SPAG16: variants seen among roughly 807,000 people sequenced by gnomAD.
SPAG16 encodes sperm-associated antigen 16 protein.
In SPAG16, 86 loss-of-function variants were observed where a neutral mutation model predicts 80.4. The ratio of observed to expected loss-of-function variants is 1.07; its 90% CI spans 0.90 to 1.28. SPAG16 has a LOEUF of 1.28. Ranked by LOEUF, SPAG16 falls within the 50% of genes most tolerant of loss-of-function variation. The pLI, the probability that SPAG16 is intolerant of heterozygous loss-of-function variation, is 0.00. For synonymous variants in SPAG16, 294 were observed against 265.9 expected (o/e 1.11, Z -1.03); for missense variants, 870 against 765.3 (o/e 1.14, Z -1.61).
chr2:213,592,793 C>T (rs2060748392), intron 10 of SPAG16, among the ~76,000 whole-genome samples: 1 of 152,072 alleles, frequency 6.6e-6, no homozygotes, highest in Non-Finnish European at 1.5e-5. Context: ...TGCAAATGAC[C>T]CTAAATGGTG....
At chr2:213,859,500 T>C (rs35802074) in intron 10 of SPAG16, among the ~76,000 whole-genome samples, 52,261 of 151,952 alleles carry the variant, frequency 0.34, 9,441 homozygotes, top group South Asian at 0.47. Context: ...GTTCTTTACC[T>C]CAGGGCTTAA....
intron 15 of SPAG16, among the ~76,000 whole-genome samples, chr2:214,198,975 T>C (rs1473214904): frequency 6.6e-6 from 1 of 152,190 alleles, no homozygotes; most frequent in East Asian, 1.9e-4. Flanking sequence ...GCTGATTTGT[T>C]GAGTTCCTTG....
intron 15 of SPAG16, among the ~76,000 whole-genome samples, chr2:214,244,643 T>G (rs1320556173): frequency 6.6e-6 from 1 of 152,048 alleles, no homozygotes; most frequent in Non-Finnish European, 1.5e-5. Flanking sequence ...TAAAATTAAT[T>G]TTAGAGAATT....
intron 10 of SPAG16, among the ~76,000 whole-genome samples, chr2:213,798,478 C>A (rs1267863930): frequency 6.6e-6 from 1 of 152,078 alleles, no homozygotes; most frequent in Non-Finnish European, 1.5e-5. Context: ...TGGTCTTGAA[C>A]TTCTGATCTC....
At chr2:214,134,557 C>T (rs2054948632) in intron 14 of SPAG16, among the ~76,000 whole-genome samples, 1 of 152,148 alleles carries the variant, frequency 6.6e-6, no homozygotes, top group Non-Finnish European at 1.5e-5. Flanking sequence ...GCACAGGCTC[C>T]ATAAATATTT....
chr2:213,965,882 TG>T (rs952967004), intron 12 of SPAG16, among the ~76,000 whole-genome samples: 1 of 152,170 alleles, frequency 6.6e-6, no homozygotes, highest in Admixed American at 6.5e-5. Context: ...ACTCTATGAG[TG>T]GAGTGCTGGG....
At chr2:213,967,783 T>C (rs1472754807) in intron 12 of SPAG16, among the ~76,000 whole-genome samples, 1 of 152,186 alleles carries the variant, frequency 6.6e-6, no homozygotes, top group Non-Finnish European at 1.5e-5. Context: ...TTATGGGCTT[T>C]AATGCACATT....
intron 10 of SPAG16, among the ~76,000 whole-genome samples, chr2:213,513,160 G>T (rs2075293396): frequency 6.6e-6 from 1 of 152,014 alleles, no homozygotes; most frequent in Admixed American, 6.6e-5. Flanking sequence ...TCACCTAATT[G>T]CTTGTCTTTT....
intron 11 of SPAG16, among the ~76,000 whole-genome samples, chr2:213,873,744 T>C (rs777315476): frequency 2.0e-5 from 3 of 152,086 alleles, no homozygotes; most frequent in Admixed American, 6.6e-5. Flanking sequence ...TTTTGGCCGA[T>C]TGGCTATTTT....
chr2:214,224,863 T>C (rs938953968), intron 15 of SPAG16, among the ~76,000 whole-genome samples: 4 of 152,110 alleles, frequency 2.6e-5, no homozygotes, highest in Admixed American at 1.3e-4. Flanking sequence ...CCTGACCTCA[T>C]AGGGCTTATC....
At chr2:213,464,200 C>G (rs1352370774) in intron 9 of SPAG16, among the ~76,000 whole-genome samples, 1 of 152,130 alleles carries the variant, frequency 6.6e-6, no homozygotes, top group Non-Finnish European at 1.5e-5. Flanking sequence ...AAAAGGCTGT[C>G]CTTACGTCAT....
At chr2:213,540,680 A>G (rs960944168) in intron 10 of SPAG16, among the ~76,000 whole-genome samples, 1 of 152,222 alleles carries the variant, frequency 6.6e-6, no homozygotes, top group Non-Finnish European at 1.5e-5. Context: ...AGAATGTTTC[A>G]TTTGTAGTTC....
At chr2:214,230,352 A>G (rs1688604058) in intron 15 of SPAG16, among the ~76,000 whole-genome samples, 1 of 151,974 alleles carries the variant, frequency 6.6e-6, no homozygotes, top group Non-Finnish European at 1.5e-5. Context: ...TAGAAAAACC[A>G]AAGAATACAT....
chr2:214,378,773 G>A (rs1700278510), intron 15 of SPAG16, among the ~76,000 whole-genome samples: 1 of 152,222 alleles, frequency 6.6e-6, no homozygotes, highest in Admixed American at 6.5e-5. Flanking sequence ...AGAATGTGAA[G>A]GGATAAATAA....
intron 15 of SPAG16, among the ~76,000 whole-genome samples, chr2:214,258,471 G>GTGTGTGTGTGTATATC (rs1553539128): frequency 7.1e-6 from 1 of 141,416 alleles, no homozygotes; most frequent in African/African-American, 2.6e-5. Context: ...ATGTGTGTGT[G>GTGTGTGTGTGTATATC]TATATATATA....
chr2:213,767,078 T>C (rs192597166), intron 10 of SPAG16, among the ~76,000 whole-genome samples: 1 of 152,326 alleles, frequency 6.6e-6, no homozygotes. Context: ...ATCCCTTACA[T>C]TCACTGATTG....
chr2:214,124,274 A>C (rs530661454), intron 14 of SPAG16, among the ~76,000 whole-genome samples: 1 of 150,432 alleles, frequency 6.6e-6, no homozygotes, highest in South Asian at 2.1e-4. Context: ...TTTTTTTATA[A>C]GAAATAATGT....
At chr2:213,950,952 A>T (rs1257956171) in intron 12 of SPAG16, among the ~76,000 whole-genome samples, 1 of 149,676 alleles carries the variant, frequency 6.7e-6, no homozygotes, top group African/African-American at 2.5e-5. Flanking sequence ...TGCTTAAGTG[A>T]TCTTCTGCCT....
At chr2:214,100,065 G>A (rs1576190994) in intron 13 of SPAG16, among the ~76,000 whole-genome samples, 1 of 151,966 alleles carries the variant, frequency 6.6e-6, no homozygotes. Context: ...CGTGGGGGCA[G>A]TGTCCCCCAT....
Sources: gnomAD v4.1 joint callset for allele counts (sites outside exome capture counted in the v4.1 genomes callset) on GRCh38, gnomAD v4.1.1 for gene constraint, MANE v1.5 for transcripts, NCBI Gene and HGNC (gene_info 2026-07-23, HGNC 2026-07-21) for gene names.